The following NAE1 variants were observed in gnomAD, a reference collection of about 807,000 sequenced individuals.
The protein encoded by NAE1 is NEDD8-activating enzyme E1 regulatory subunit.
NAE1 carries 59 observed loss-of-function variants against 88.0 expected under a neutral mutation model. The observed-to-expected ratio is 0.67, with a 90% CI of 0.54 to 0.83. The LOEUF is 0.83. Among genes scored for constraint, NAE1 ranks in the 40% least tolerant of loss-of-function variants. The pLI is 0.00. For missense variants in NAE1, 554 were observed against 632.8 expected (o/e 0.88, Z 1.34); for synonymous variants, 186 against 208.9 (o/e 0.89, Z 0.95).
chr16:66,822,904 G>A (rs1168404025), intron 6 of NAE1, among the ~76,000 whole-genome samples: 3 of 149,500 alleles, frequency 2.0e-5, no homozygotes, highest in African/African-American at 7.3e-5. Flanking sequence ...TCCTGACCTC[G>A]TGATCCACCT....
Position 66,805,943 on chromosome 16 carries a change from C to T in NAE1, c.1414G>A (p.Val472Ile). The T allele has an allele frequency of 1.2e-6, 2 of 1,612,852 alleles. No individual in the cohort carries two copies. The highest frequency in any genetic ancestry group is 1.7e-6 in the Non-Finnish European group (2 of 1,179,610). Residue 472 changes from valine to isoleucine, a missense_variant, in exon 18 of 20, where the codon GTA (valine) becomes ATA (isoleucine). By Grantham distance (29) the Val-to-Ile change is conservative. Coordinates refer to ENST00000290810, the MANE Select transcript of NAE1 (RefSeq NM_003905.4). ...TGGACATAATCATCTTTCACCATTA[C>T]AGATAAACCATATTCCTGAAGGAAG... ...TGFLQEYGLS[V>I]MVKDDYVHEF...
intron 1 of NAE1, among the ~76,000 whole-genome samples, chr16:66,828,406 G>A (rs543943057): frequency 8.6e-5 from 13 of 150,616 alleles, no homozygotes; most frequent in Admixed American, 4.6e-4. Context: ...CATGAGAATC[G>A]CATGAACGCA....
chr16:66,816,425 A>G (rs547813758), intron 11 of NAE1, among the ~76,000 whole-genome samples, 156 bp downstream of exon 11: 1 of 152,202 alleles, frequency 6.6e-6, no homozygotes, highest in African/African-American at 2.4e-5. Context: ...TCAGCCTCCC[A>G]AAGTGCTGGG....
Position 66,810,257 on chromosome 16 carries a change from T to A in NAE1, c.1150+117A>T, listed in dbSNP as rs561384698. ...AAACCTTACCCAATAATTATCTATA[T>A]CTATATCACTGAGGCCATGGAAAAC... On this transcript the variant is annotated intron_variant, in intron 15 of 19. Coordinates refer to ENST00000290810, the MANE Select transcript of NAE1 (RefSeq NM_003905.4). The A allele has an allele frequency of 2.5e-5, 19 of 775,302 alleles. No homozygotes were observed. In the East Asian group the frequency reaches 4.6e-4, roughly 19 times the overall value. 48.0% of individuals were successfully genotyped at this position (775,302 alleles called of 1,614,324 possible).
chr16:66,816,839 C>A, intron 10 of NAE1, 126 bp downstream of exon 10: 2 of 1,458,644 alleles, frequency 1.4e-6, no homozygotes, highest in South Asian at 1.4e-5. Context: ...TTAACTTCTC[C>A]AGAAGGAAAA....
At chr16:66,813,370 G>C (rs562526856) in intron 13 of NAE1, 194 bp downstream of exon 13, 1 of 598,910 alleles carries the variant, frequency 1.7e-6, no homozygotes, top group African/African-American at 1.9e-5. Flanking sequence ...CAAACTCCTG[G>C]ACTCAAGCAA....
Position 66,816,995 on chromosome 16 carries a change from T to C in NAE1, c.718A>G (p.Lys240Glu). The C allele has an allele frequency of 6.2e-7, 1 of 1,601,388 alleles. No homozygotes were observed. Among genetic ancestry groups the C allele is most frequent in the Non-Finnish European group, 8.5e-7 (1 of 1,176,786 alleles). The change falls in exon 10 of 20, where the codon AAA (lysine) becomes GAA (glutamate). Residue 240 changes from lysine (K) to glutamate (E), a missense_variant. By Grantham distance (56) the Lys-to-Glu change is moderately conservative (BLOSUM62 1). Coordinates refer to ENST00000290810, the MANE Select transcript of NAE1 (RefSeq NM_003905.4). ...NGRIPKTYKE[K>E]EDFRDLIRQG... is the part of the protein sequence containing the mutation. The stretch of plus-strand genomic sequence containing the variant: ...CTAATCAAATCTCTGAAGTCCTCTT[T>C]TTCTTTATACGTTTTAGGTATTCGT...
chr16:66,808,666 C>T, intron 16 of NAE1, 53 bp from the exon 17 acceptor site: 2 of 1,256,676 alleles, frequency 1.6e-6, no homozygotes, highest in South Asian at 2.5e-5. Flanking sequence ...ATGTAACAAA[C>T]AATGAAGGGC....
In NAE1 at chr16:66,821,449, C is replaced by A. The variant is rs1483618190; in HGVS notation, c.511+1G>T. The A allele has an allele frequency of 2.6e-6, 4 of 1,553,622 alleles. No homozygotes were observed. The highest frequency in any genetic ancestry group is 2.1e-5 in the Admixed American group (1 of 47,980). On this transcript the variant is annotated splice_donor_variant, in intron 7 of 19. Transcript: ENST00000290810. LOFTEE classifies it high-confidence loss of function. Reference sequence around the variant, plus strand: ...TAAGCCCATATGCTCAACAATTTTACCTGGATGTTCTTTTATAATGATCCT... The same window carrying A: ...TAAGCCCATATGCTCAACAATTTTAACTGGATGTTCTTTTATAATGATCCT...
At chr16:66,803,539 C>G (rs1387130288) in intron 19 of NAE1, among the ~76,000 whole-genome samples, 1 of 152,008 alleles carries the variant, frequency 6.6e-6, no homozygotes, top group Non-Finnish European at 1.5e-5. Context: ...AAAACTTGTG[C>G]ATCTTCTATA....
chr16:66,806,242 T>A (rs1959557677), intron 17 of NAE1: 1 of 429,278 alleles, frequency 2.3e-6, no homozygotes, highest in Non-Finnish European at 4.0e-6. Context: ...TAAATCTTTA[T>A]TAATTGCATC....
At chr16:66,830,306 G>C (rs542811435) in intron 1 of NAE1, among the ~76,000 whole-genome samples, 7 of 152,256 alleles carry the variant, frequency 4.6e-5, no homozygotes, top group Non-Finnish European at 1.0e-4. Context: ...AATATCTCAA[G>C]AACTTTTTAT....
intron 1 of NAE1, 117 bp from the exon 2 acceptor site, chr16:66,826,897 C>T (rs892599098): frequency 7.8e-6 from 7 of 892,170 alleles, no homozygotes; most frequent in Non-Finnish European, 1.0e-5. Context: ...CCACAGAATA[C>T]AGGTAAGACG....
intron 10 of NAE1, 82 bp downstream of exon 10, chr16:66,816,883 G>A: frequency 6.5e-7 from 1 of 1,536,490 alleles, no homozygotes; most frequent in Non-Finnish European, 8.7e-7. Context: ...TGACAAAGGT[G>A]TTAACAGAAA....
chr16:66,813,272 A>G, intron 13 of NAE1: 1 of 264,778 alleles, frequency 3.8e-6, no homozygotes. Context: ...CCTCCTGAGT[A>G]GTTGAGATTA....
At chr16:66,804,391 A>C (rs1959478626) in intron 19 of NAE1, among the ~76,000 whole-genome samples, 2 of 152,220 alleles carry the variant, frequency 1.3e-5, no homozygotes, top group Non-Finnish European at 2.9e-5. Context: ...AATTGGCAGA[A>C]AATTTTGCTA....
chr16:66,808,787 G>A, intron 16 of NAE1, 174 bp from the exon 17 acceptor site: 1 of 622,350 alleles, frequency 1.6e-6, no homozygotes, highest in Admixed American at 3.5e-5. Flanking sequence ...TGGACTCAGT[G>A]ACCTAAATAT....
rs748817971 is a variant in NAE1 at position 66,830,895 on chromosome 16, G to A, written c.5C>T (p.Ala2Val). ...CTCCTTGAGCAGCTTTCCCAGCTGC[G>A]CCATGGCCGCGCCTGCCGCGCGGAA... M[A>V]QLGKLLKEQK... The change falls in exon 1 of 20, where the codon GCG becomes GTG. Residue 2 changes from alanine (A) to valine (V), a missense_variant. By Grantham distance (64) the Ala-to-Val change is moderately conservative. Transcript: ENST00000290810. 7.2e-6 allele frequency: 11 copies of A among 1,535,072 alleles called. No homozygotes were observed. The highest frequency in any genetic ancestry group is 7.8e-6 in the Non-Finnish European group (9 of 1,149,832).
chr16:66,826,517 A>G lies in NAE1; in HGVS notation c.218+6T>C. ...CGTGAATATATTTGAAGAGAATAGAACATACTTGTTTCCAGCATCTTCTCC... is the reference window on the plus strand; with the variant it reads ...CGTGAATATATTTGAAGAGAATAGAGCATACTTGTTTCCAGCATCTTCTCC... On this transcript the variant is annotated splice_donor_region_variant and intron_variant, in intron 3 of 19. Transcript: ENST00000290810. 6.2e-7 allele frequency: 1 copy of G among 1,613,898 alleles called. No homozygotes were observed. Among genetic ancestry groups the G allele is most frequent in the Non-Finnish European group, 8.5e-7 (1 of 1,179,914 alleles).
Sources: allele counts gnomAD v4.1 joint callset (sites outside exome capture counted in the v4.1 genomes callset), GRCh38; gene constraint gnomAD v4.1.1; transcripts MANE v1.5; gene names NCBI Gene and HGNC (gene_info 2026-07-23, HGNC 2026-07-21).